Variants in NDST4 observed in about 807,000 individuals in gnomAD.
The protein encoded by NDST4 is N-heparan sulfate sulfotransferase 4.
Under a neutral mutation model 100.8 loss-of-function variants are expected in NDST4, and 63 were observed. That is an observed-to-expected ratio of 0.62 (90% CI 0.51 to 0.77). The LOEUF (loss-of-function observed/expected upper bound fraction) is 0.77, where lower values mean the gene tolerates loss of function less well. Among genes scored for constraint, NDST4 ranks in the 30% least tolerant of loss-of-function variants. The pLI, the probability that NDST4 is intolerant of heterozygous loss-of-function variation, is 0.00. For synonymous variants in NDST4, 377 were observed against 361.8 expected, an observed-to-expected ratio of 1.04 and a Z score of -0.48; for missense variants, 943 against 1,018.4, an observed-to-expected ratio of 0.93 and a Z score of 1.01.
chr4:114,893,586 G>A (rs747326302), intron 6 of NDST4, among the ~76,000 whole-genome samples: 8 of 150,566 alleles, frequency 5.3e-5, no homozygotes, highest in Non-Finnish European at 8.9e-5. Context: ...ACTTTCTGAT[G>A]TGTTTTTTTT....
intron 6 of NDST4, among the ~76,000 whole-genome samples, chr4:114,907,704 A>G (rs778569057): frequency 1.3e-5 from 2 of 151,928 alleles, no homozygotes; most frequent in Non-Finnish European, 2.9e-5. Flanking sequence ...CTTAGGGGAG[A>G]GGTAACTACC....
intron 6 of NDST4, 31 bp from the exon 7 acceptor site, chr4:114,870,981 T>G: frequency 6.4e-7 from 1 of 1,559,030 alleles, no homozygotes; most frequent in Non-Finnish European, 8.7e-7. Flanking sequence ...ACCACAAAAA[T>G]ATCATATGCT....
In NDST4 at chr4:114,985,310, A is replaced by G. The variant is rs570196337; in HGVS notation, c.979-8036T>C. On this transcript the variant is annotated intron_variant, in intron 2 of 13. Coordinates refer to ENST00000264363, the MANE Select transcript of NDST4 (RefSeq NM_022569.3). ...TTTTTTGGTCTGTCTCCAGGAAGAC[A>G]GGAATCTAAAAGCTCACTCTCTTTG... 2.0e-4 allele frequency among the ~76,000 whole-genome samples: 31 copies of G among 152,290 alleles called. 2 individuals are homozygous for G. Among genetic ancestry groups the G allele is most frequent in the African/African-American group, 5.8e-4 (24 of 41,560 alleles).
chr4:115,022,055 T>G (rs1727843026), intron 2 of NDST4, among the ~76,000 whole-genome samples: 1 of 150,360 alleles, frequency 6.7e-6, no homozygotes, highest in Non-Finnish European at 1.5e-5. Flanking sequence ...ATCTCTATGT[T>G]CCATATATAC....
chr4:114,906,279 A>G (rs1724947000), intron 6 of NDST4, among the ~76,000 whole-genome samples: 1 of 152,026 alleles, frequency 6.6e-6, no homozygotes, highest in Non-Finnish European at 1.5e-5. Flanking sequence ...TTAGGAAGAA[A>G]CAGATTTAAT....
At position 115,023,296 on chromosome 4, in the gene NDST4, A is replaced by T. The variant is rs537755574; in HGVS notation, c.979-46022T>A. On this transcript the variant is annotated intron_variant, in intron 2 of 13. Coordinates refer to ENST00000264363, the MANE Select transcript of NDST4 (RefSeq NM_022569.3). ...AGGTCCGGAGTTCGAGACCAGCCTG[A>T]CCAACATGGAGAAACCCCATCTCTA... Among the ~76,000 whole-genome samples the T allele has an allele frequency of 2.1e-3, 320 of 151,776 alleles. 1 individual carries two copies. Among genetic ancestry groups the T allele is most frequent in the African/African-American group, 7.4e-3 (305 of 41,424 alleles).
At chr4:115,048,215 A>C (rs28490277) in intron 2 of NDST4, among the ~76,000 whole-genome samples, 2,864 of 151,908 alleles carry the variant, frequency 0.019, 93 homozygotes, top group African/African-American at 0.066. Context: ...CAGACTTTTT[A>C]AGCATCTATT....
intron 6 of NDST4, among the ~76,000 whole-genome samples, chr4:114,879,404 A>G (rs1007327677): frequency 6.6e-6 from 1 of 152,162 alleles, no homozygotes; most frequent in Non-Finnish European, 1.5e-5. Context: ...AGAAGCAGAC[A>G]TCACTCAAGG....
rs1725344615 is a variant in NDST4 at position 114,924,309 on chromosome 4, T to A, written c.1536+10897A>T. Among the ~76,000 whole-genome samples, 3 of 152,082 alleles carry A rather than the reference T, an allele frequency of 2.0e-5. No homozygotes were observed. In the South Asian group the frequency reaches 6.2e-4, roughly 32 times the overall value. On this transcript the variant is annotated intron_variant, in intron 6 of 13. Transcript: ENST00000264363. The stretch of plus-strand genomic sequence containing the variant: ...TTAACAGAAAGAATAATATCATACG[T>A]TGTAAGTCCATGGATCTTAGCTGAC...
chr4:114,889,185 T>C (rs1214732063), intron 6 of NDST4, among the ~76,000 whole-genome samples: 1 of 152,218 alleles, frequency 6.6e-6, no homozygotes, highest in Non-Finnish European at 1.5e-5. Context: ...CCTACTTTGC[T>C]ACCAAGTTAA....
chr4:114,876,435 G>C (rs147599563), intron 6 of NDST4, among the ~76,000 whole-genome samples: 29 of 152,160 alleles, frequency 1.9e-4, no homozygotes, highest in African/African-American at 6.5e-4. Flanking sequence ...AGGTAATTTT[G>C]TGTCTTTATT....
At chr4:114,897,178 T>C (rs1724733673) in intron 6 of NDST4, among the ~76,000 whole-genome samples, 1 of 152,188 alleles carries the variant, frequency 6.6e-6, no homozygotes, top group Admixed American at 6.5e-5. Flanking sequence ...ATGCATCTAC[T>C]ATTATAGTAT....
chr4:114,830,391 T>A (rs73848468), intron 12 of NDST4, among the ~76,000 whole-genome samples: 3,453 of 152,282 alleles, frequency 0.023, 116 homozygotes, highest in African/African-American at 0.078. Flanking sequence ...ATTATTGCAT[T>A]TTTTACAGTT....
chr4:114,876,226 A>G (rs2126198978), intron 6 of NDST4, among the ~76,000 whole-genome samples: 1 of 152,196 alleles, frequency 6.6e-6, no homozygotes, highest in Non-Finnish European at 1.5e-5. Context: ...GTCGGTTTCC[A>G]TTTTTGCCTT....
chr4:114,876,671 C>T (rs1316858844), intron 6 of NDST4, among the ~76,000 whole-genome samples: 1 of 152,048 alleles, frequency 6.6e-6, no homozygotes, highest in Non-Finnish European at 1.5e-5. Flanking sequence ...AAAGTTTGTC[C>T]AAACCTAATA....
At chr4:114,849,290 T>A (rs544422511) in intron 8 of NDST4, among the ~76,000 whole-genome samples, 1 of 152,326 alleles carries the variant, frequency 6.6e-6, no homozygotes, top group South Asian at 2.1e-4. Flanking sequence ...ATAACTCTCA[T>A]AAATCAAGAC....
intron 2 of NDST4, among the ~76,000 whole-genome samples, chr4:114,987,878 C>T (rs1346773714): frequency 1.3e-5 from 2 of 152,138 alleles, no homozygotes; most frequent in African/African-American, 4.8e-5. Context: ...AGTGAGGTGT[C>T]TTTTGGGGTC....
chr4:115,078,438 A>T (rs746049793), intron 1 of NDST4, among the ~76,000 whole-genome samples: 2 of 152,212 alleles, frequency 1.3e-5, no homozygotes, highest in Non-Finnish European at 2.9e-5. Flanking sequence ...TCTCAGATGG[A>T]AATGAGGAAC....
chr4:115,030,556 C>A (rs1728093092), intron 2 of NDST4, among the ~76,000 whole-genome samples: 1 of 152,078 alleles, frequency 6.6e-6, no homozygotes, highest in Non-Finnish European at 1.5e-5. Context: ...ACAGGCAAGT[C>A]AGACTTTTGG....
Sources: allele counts gnomAD v4.1 joint callset (sites outside exome capture counted in the v4.1 genomes callset), GRCh38; gene constraint gnomAD v4.1.1; transcripts MANE v1.5; gene names NCBI Gene and HGNC (gene_info 2026-07-23, HGNC 2026-07-21).